Variants in CDH13 observed in about 807,000 individuals in gnomAD.
CDH13 encodes the protein cadherin 13, also known as cadherin-13.
In CDH13, 24 loss-of-function variants were observed where a neutral mutation model predicts 63.8. That is an observed-to-expected ratio of 0.38 (90% CI 0.27 to 0.53). The LOEUF is 0.53. Ranked by LOEUF, CDH13 falls within the 20% of genes least tolerant of loss-of-function variation. The pLI is 0.85. For synonymous variants in CDH13, 503 were observed against 355.3 expected, an observed-to-expected ratio of 1.42 and a Z score of -4.67; for missense variants, 1,049 against 903.1, an observed-to-expected ratio of 1.16 and a Z score of -2.07.
intron 6 of CDH13, among the ~76,000 whole-genome samples, chr16:83,465,273 G>C (rs1284723709): frequency 1.3e-5 from 2 of 152,224 alleles, no homozygotes. Context: ...GAATGGGCTA[G>C]ACAGCTACAA....
At chr16:83,192,682 G>T (rs1047316292) in intron 4 of CDH13, among the ~76,000 whole-genome samples, 1 of 152,164 alleles carries the variant, frequency 6.6e-6, no homozygotes, top group Non-Finnish European at 1.5e-5. Context: ...TGGAGCAGGT[G>T]TTTGCGTGCT....
intron 1 of CDH13, among the ~76,000 whole-genome samples, chr16:82,696,595 C>T (rs1010145015): frequency 2.0e-5 from 3 of 152,166 alleles, no homozygotes; most frequent in Admixed American, 6.5e-5. Context: ...GCTCATGTTG[C>T]AACGAAGGCT....
At chr16:83,252,284 AT>A (rs1905670327) in intron 5 of CDH13, among the ~76,000 whole-genome samples, 1 of 117,674 alleles carries the variant, frequency 8.5e-6, no homozygotes, top group African/African-American at 3.3e-5. Flanking sequence ...TTTTTTTTTC[AT>A]TTTTATTTAT....
chr16:83,529,209 G>A (rs541987863), intron 7 of CDH13, among the ~76,000 whole-genome samples: 2 of 151,792 alleles, frequency 1.3e-5, no homozygotes, highest in Non-Finnish European at 2.9e-5. Flanking sequence ...TATGGTTGGA[G>A]GTCAGACTCT....
At chr16:82,886,342 G>A (rs1428858860) in intron 2 of CDH13, among the ~76,000 whole-genome samples, 1 of 152,172 alleles carries the variant, frequency 6.6e-6, no homozygotes, top group African/African-American at 2.4e-5. Context: ...CCTGGTGTTT[G>A]CATTTCCATA....
At chr16:83,130,179 A>G (rs192517724) in intron 4 of CDH13, among the ~76,000 whole-genome samples, 1 of 152,380 alleles carries the variant, frequency 6.6e-6, no homozygotes, top group East Asian at 1.9e-4. Context: ...TTATTTGTCC[A>G]GCACTGTGCT....
At chr16:82,871,255 C>T (rs2040333404) in intron 2 of CDH13, among the ~76,000 whole-genome samples, 1 of 152,046 alleles carries the variant, frequency 6.6e-6, no homozygotes, top group African/African-American at 2.4e-5. Context: ...AAAAGGGAAC[C>T]ATGTGGTCAG....
At chr16:83,389,519 C>G (rs1040610965) in intron 6 of CDH13, among the ~76,000 whole-genome samples, 1 of 152,148 alleles carries the variant, frequency 6.6e-6, no homozygotes, top group Non-Finnish European at 1.5e-5. Context: ...TTTTTATAAA[C>G]AAGCACATTC....
intron 5 of CDH13, among the ~76,000 whole-genome samples, chr16:83,240,190 C>T (rs901813848): frequency 2.0e-5 from 3 of 152,012 alleles, no homozygotes; most frequent in Admixed American, 6.6e-5. Context: ...TTCAGCAGGC[C>T]GTGACCCCTT....
chr16:83,425,242 T>A (rs908036562), intron 6 of CDH13, among the ~76,000 whole-genome samples: 1 of 152,226 alleles, frequency 6.6e-6, no homozygotes, highest in Non-Finnish European at 1.5e-5. Flanking sequence ...TTTGATGACT[T>A]GGGAATTAAA....
chr16:83,006,352 C>G (rs1304291651), intron 2 of CDH13, among the ~76,000 whole-genome samples: 1 of 152,178 alleles, frequency 6.6e-6, no homozygotes, highest in African/African-American at 2.4e-5. Context: ...CCAGGTGCAT[C>G]TGAAAAAACG....
At chr16:83,619,382 G>A (rs528247725) in intron 8 of CDH13, among the ~76,000 whole-genome samples, 1 of 152,354 alleles carries the variant, frequency 6.6e-6, no homozygotes, top group East Asian at 1.9e-4. Flanking sequence ...ATGGAGCTCA[G>A]GGAGGGCTTC....
chr16:83,073,951 A>C (rs1226080771), intron 3 of CDH13, among the ~76,000 whole-genome samples: 1 of 152,190 alleles, frequency 6.6e-6, no homozygotes, highest in Non-Finnish European at 1.5e-5. Context: ...GGAATTTAGA[A>C]TATCCATCAT....
At chr16:83,100,544 C>G (rs965653595) in intron 3 of CDH13, among the ~76,000 whole-genome samples, 12 of 152,224 alleles carry the variant, frequency 7.9e-5, no homozygotes, top group African/African-American at 2.2e-4. Context: ...AAGCTGAACT[C>G]TATTTGTGCT....
rs74030817 is a variant in CDH13, at chr16:82,749,730, A to G, written c.46-108632A>G. 5.1e-3 allele frequency among the ~76,000 whole-genome samples: 784 copies of G among 152,248 alleles called. 5 individuals are homozygous for G. The highest frequency in any genetic ancestry group is 0.018 in the African/African-American group (751 of 41,550). On this transcript the variant is annotated intron_variant, in intron 1 of 13. Transcript: ENST00000567109. Reference sequence around the variant, plus strand: ...AAATGTTTGTAGAGTCTACTAGGCTATGCCTTGACAGTCATTTTTTGCTTC... The same window carrying G: ...AAATGTTTGTAGAGTCTACTAGGCTGTGCCTTGACAGTCATTTTTTGCTTC...
intron 6 of CDH13, among the ~76,000 whole-genome samples, chr16:83,355,652 G>A (rs1480886439): frequency 6.6e-6 from 1 of 152,168 alleles, no homozygotes; most frequent in African/African-American, 2.4e-5. Flanking sequence ...CCGTATACCA[G>A]GTATGCTGTT....
In CDH13 at chr16:83,145,712, A is replaced by G. The variant is rs945868615; in HGVS notation, c.483+20211A>G. 2.6e-5 allele frequency among the ~76,000 whole-genome samples: 4 copies of G among 152,172 alleles called. 1 individual carries two copies. The South Asian group carries it at 6.2e-4, about 24-fold the overall frequency. On this transcript the variant is annotated intron_variant, in intron 4 of 13. Coordinates refer to ENST00000567109, the MANE Select transcript of CDH13 (RefSeq NM_001257.5). ...ATTCTCTTCCTCATTCAGTCTCTCAATCAATCAATACTTACTGAGTACTTG... is the reference window on the plus strand; with the variant it reads ...ATTCTCTTCCTCATTCAGTCTCTCAGTCAATCAATACTTACTGAGTACTTG...
At chr16:82,719,226 G>T (rs9936126) in intron 1 of CDH13, 30,747 of 318,374 alleles carry the variant, frequency 0.097, 1,773 homozygotes, top group East Asian at 0.25. Context: ...GAGTTTCCAC[G>T]AGCAGGAACC....
intron 10 of CDH13, among the ~76,000 whole-genome samples, chr16:83,693,979 C>A (rs1242759444): frequency 2.6e-5 from 4 of 152,158 alleles, no homozygotes; most frequent in Non-Finnish European, 4.4e-5. Context: ...GAGGACGTGA[C>A]AATTCAGAAC....
Sources: gnomAD v4.1 joint callset for allele counts (sites outside exome capture counted in the v4.1 genomes callset) on GRCh38, gnomAD v4.1.1 for gene constraint, MANE v1.5 for transcripts, NCBI Gene and HGNC (gene_info 2026-07-23, HGNC 2026-07-21) for gene names.